Variants in TADA2A observed in about 807,000 individuals in gnomAD.
The protein encoded by TADA2A is transcriptional adaptor 2A, also known as transcriptional adapter 2-alpha.
A neutral mutation model predicts 67.4 loss-of-function variants in TADA2A; 38 were observed. That is an observed-to-expected ratio of 0.56 (90% CI 0.44 to 0.74). The LOEUF is 0.74. TADA2A is among the 30% of genes least tolerant of loss of function. The probability of loss-of-function intolerance (pLI) is 0.00; values close to 1 mark genes in which losing one functional copy is unlikely to be tolerated. For missense variants in TADA2A, 454 were observed against 547.0 expected (o/e 0.83, Z 1.70); for synonymous variants, 192 against 181.6 (o/e 1.06, Z -0.46).
chr17:37,426,766 G>T, intron 3 of TADA2A, 184 bp from the exon 4 acceptor site: 1 of 497,626 alleles, frequency 2.0e-6, no homozygotes, highest in South Asian at 3.0e-5. Context: ...GATCCCTTGA[G>T]CCTAGGAGTT....
At chr17:37,444,089 A>C (rs909682799) in intron 7 of TADA2A, among the ~76,000 whole-genome samples, 10 of 151,884 alleles carry the variant, frequency 6.6e-5, no homozygotes, top group Non-Finnish European at 1.0e-4. Context: ...ACAACAACAA[A>C]AAAAACCCGA....
intron 8 of TADA2A, chr17:37,450,761 A>C (rs1274653379): frequency 6.6e-6 from 1 of 152,330 alleles, no homozygotes; most frequent in Non-Finnish European, 1.5e-5. Flanking sequence ...TCATTCTTGT[A>C]GATTCTGCCT....
intron 4 of TADA2A, among the ~76,000 whole-genome samples, chr17:37,432,158 T>TTTTA (rs888559605): frequency 1.1e-4 from 16 of 146,848 alleles, no homozygotes; most frequent in East Asian, 2.0e-4. Context: ...CACTCAGCTT[T>TTTTA]TTTATTTATT....
intron 8 of TADA2A, among the ~76,000 whole-genome samples, chr17:37,450,879 T>C (rs1196317668): frequency 6.6e-6 from 1 of 152,240 alleles, no homozygotes; most frequent in Non-Finnish European, 1.5e-5. Context: ...GCTTCAAATA[T>C]GAATTTTTAT....
At position 37,477,201 on chromosome 17, in the gene TADA2A, A is replaced by G. The variant is rs545184110; in HGVS notation, c.*219A>G. The G allele has an allele frequency of 4.3e-6, 2 of 468,546 alleles. No homozygotes were observed. The highest frequency in any genetic ancestry group is 3.7e-5 in the Admixed American group (1 of 27,130). 29.0% of individuals were successfully genotyped at this position (468,546 alleles called of 1,614,324 possible). On this transcript the variant is annotated 3_prime_UTR_variant, in exon 16 of 16. Transcript: ENST00000615182. ...ATTATGCTGCAGAGTTGTGTGCTAC[A>G]TAAGCTATTATTAAATGTGAGTGGG...
chr17:37,420,162 AT>A (rs2052187993), intron 2 of TADA2A, among the ~76,000 whole-genome samples: 1 of 146,282 alleles, frequency 6.8e-6, no homozygotes, highest in South Asian at 2.2e-4. Context: ...ATATACAATA[AT>A]TTTTGGCTCA....
intron 2 of TADA2A, among the ~76,000 whole-genome samples, chr17:37,416,139 A>G (rs528507864): frequency 1.4e-5 from 2 of 147,944 alleles, no homozygotes; most frequent in African/African-American, 5.0e-5. Flanking sequence ...TTTTTTTTAA[A>G]CGGAGTTTCA....
intron 10 of TADA2A, among the ~76,000 whole-genome samples, chr17:37,463,557 A>C (rs1178002257): frequency 2.0e-5 from 3 of 152,006 alleles, no homozygotes; most frequent in African/African-American, 7.2e-5. Flanking sequence ...GTGAGCTATA[A>C]TCATGTCACT....
chr17:37,468,978 A>G (rs2053726925), intron 12 of TADA2A, among the ~76,000 whole-genome samples: 1 of 151,660 alleles, frequency 6.6e-6, no homozygotes, highest in Non-Finnish European at 1.5e-5. Flanking sequence ...TTGGTTCACC[A>G]CAACCTCTGC....
At chr17:37,445,256 T>C (rs1189905926) in intron 8 of TADA2A, among the ~76,000 whole-genome samples, 1 of 152,182 alleles carries the variant, frequency 6.6e-6, no homozygotes, top group East Asian at 1.9e-4. Flanking sequence ...TTTTCAACAC[T>C]GCTGGATTCT....
At chr17:37,465,570 T>C (rs1395326808) in intron 11 of TADA2A, 29 bp downstream of exon 11, 1 of 1,613,640 alleles carries the variant, frequency 6.2e-7, no homozygotes, top group Admixed American at 1.7e-5. Context: ...TTGAGCAGTA[T>C]TTGTGTGTGT....
At chr17:37,437,658 A>G in intron 4 of TADA2A, 80 bp from the exon 5 acceptor site, 1 of 1,268,692 alleles carries the variant, frequency 7.9e-7, no homozygotes, top group Admixed American at 1.8e-5. Context: ...AAGTGCTGGG[A>G]GTATAGGCGT....
chr17:37,418,011 A>G (rs150847544), intron 2 of TADA2A, among the ~76,000 whole-genome samples: 4 of 152,370 alleles, frequency 2.6e-5, no homozygotes, highest in African/African-American at 9.6e-5. Flanking sequence ...TTGAACCCAT[A>G]TGTTGAATCA....
rs1337888572 is a variant in TADA2A at position 37,474,616 on chromosome 17, A to T, written c.1133A>T (p.Glu378Val). The stretch of plus-strand genomic sequence containing the variant: ...CTCCCTGGCACAGAGAAGCTGAATG[A>T]AAAAGAAAAGGAGGTAACAAAAGGG... ...TGLPGTEKLN[E>V]KEKELCQMVR... Residue 378 changes from glutamate (E) to valine (V), a missense_variant, in exon 15 of 16, where the codon GAA (glutamate) becomes GTA (valine). Physicochemically the swap from Glu to Val is moderately radical, Grantham distance 121. Coordinates refer to ENST00000615182, the MANE Select transcript of TADA2A (RefSeq NM_001166105.3). 1 of 1,612,734 alleles carries T rather than the reference A, an allele frequency of 6.2e-7. No individual in the cohort carries two copies.
At chr17:37,441,068 C>T (rs1460717115) in intron 6 of TADA2A, among the ~76,000 whole-genome samples, 1 of 150,796 alleles carries the variant, frequency 6.6e-6, no homozygotes, top group South Asian at 2.1e-4. Flanking sequence ...GCACTCCAAC[C>T]TGGGTGACAG....
intron 8 of TADA2A, among the ~76,000 whole-genome samples, chr17:37,453,072 T>A (rs2053277223): frequency 6.6e-6 from 1 of 152,196 alleles, no homozygotes; most frequent in Admixed American, 6.5e-5. Context: ...TCCCAGTGAT[T>A]GAAGTTACAT....
At chr17:37,431,735 C>T (rs853226) in intron 4 of TADA2A, among the ~76,000 whole-genome samples, 22,250 of 151,808 alleles carry the variant, frequency 0.15, 1,594 homozygotes, top group East Asian at 0.23. Flanking sequence ...CCACCGTGCC[C>T]GGCTAATTTT....
chr17:37,473,001 A>G (rs1246632060), intron 14 of TADA2A, among the ~76,000 whole-genome samples: 1 of 151,834 alleles, frequency 6.6e-6, no homozygotes, highest in African/African-American at 2.4e-5. Flanking sequence ...TCCCTCTACT[A>G]TCCAGGCTGG....
In TADA2A at chr17:37,477,218, G is replaced by GT; in HGVS notation, c.*237dup. 1 of 429,534 alleles carries GT rather than the reference G, an allele frequency of 2.3e-6. No individual in the cohort carries two copies. The highest frequency in any genetic ancestry group is 3.4e-5 in the East Asian group (1 of 29,310). The allele number at this position is 429,534 out of a possible 1,614,324, so 26.6% of individuals were successfully genotyped here. On this transcript the variant is annotated 3_prime_UTR_variant, in exon 16 of 16. Transcript: ENST00000615182. Reference sequence around the variant, plus strand: ...TGTGCTACATAAGCTATTATTAAATGTGAGTGGGCATTCATTCCTAACACC... The same window carrying GT: ...TGTGCTACATAAGCTATTATTAAATGTTGAGTGGGCATTCATTCCTAACACC...
Sources: gnomAD v4.1 joint callset for allele counts (sites outside exome capture counted in the v4.1 genomes callset) on GRCh38, gnomAD v4.1.1 for gene constraint, MANE v1.5 for transcripts, NCBI Gene and HGNC (gene_info 2026-07-23, HGNC 2026-07-21) for gene names.